The following KCNH7 variants were observed in gnomAD, a reference collection of about 807,000 sequenced individuals.
KCNH7 encodes the protein voltage-gated inwardly rectifying potassium channel KCNH7.
In KCNH7, 49 loss-of-function variants were observed where a neutral mutation model predicts 120.8. That is an observed-to-expected ratio of 0.41 (90% CI 0.32 to 0.51). The LOEUF (loss-of-function observed/expected upper bound fraction) is 0.51. KCNH7 is among the 20% of genes least tolerant of loss of function. The pLI, the probability that KCNH7 is intolerant of heterozygous loss-of-function variation, is 0.38. For synonymous variants in KCNH7, 547 were observed against 516.1 expected (o/e 1.06, Z -0.81); for missense variants, 1,097 against 1,446.6 (o/e 0.76, Z 3.92).
At chr2:162,832,691 C>T (rs1396664372) in intron 2 of KCNH7, among the ~76,000 whole-genome samples, 2 of 152,092 alleles carry the variant, frequency 1.3e-5, no homozygotes, top group Non-Finnish European at 2.9e-5. Context: ...TCCTACTGTT[C>T]TTACAGTGCC....
intron 2 of KCNH7, among the ~76,000 whole-genome samples, chr2:162,754,396 A>G (rs1688716621): frequency 6.6e-6 from 1 of 152,198 alleles, no homozygotes; most frequent in East Asian, 1.9e-4. Context: ...AAAATTGTAA[A>G]AAGAAAATTA....
chr2:162,681,205 G>A (rs1223341037), intron 2 of KCNH7, among the ~76,000 whole-genome samples: 2 of 151,668 alleles, frequency 1.3e-5, no homozygotes, highest in Non-Finnish European at 3.0e-5. Context: ...TCCAGTAATG[G>A]ACTGTAGAGA....
chr2:162,710,493 G>C lies in KCNH7; in HGVS notation c.307+126044C>G, dbSNP rs144665681. ...TTGCACAATGAGTCATCAGAAACCT[G>C]TGTTTACACACACACTCAGAAAGTG... On this transcript the variant is annotated intron_variant, in intron 2 of 15. Coordinates refer to ENST00000332142, the MANE Select transcript of KCNH7 (RefSeq NM_033272.4). Among the ~76,000 whole-genome samples the C allele has an allele frequency of 2.6e-5, 4 of 152,272 alleles. No individual in the cohort carries two copies. The East Asian group carries it at 7.7e-4, about 29-fold the overall frequency.
At chr2:162,480,209 A>AT (rs1362761735) in intron 6 of KCNH7, among the ~76,000 whole-genome samples, 2 of 151,970 alleles carry the variant, frequency 1.3e-5, no homozygotes, top group Non-Finnish European at 1.5e-5. Context: ...CGGTGTATGC[A>AT]TTTTTTTGTG....
intron 2 of KCNH7, among the ~76,000 whole-genome samples, chr2:162,818,581 C>G (rs1398411678): frequency 6.6e-6 from 1 of 152,062 alleles, no homozygotes; most frequent in Admixed American, 6.6e-5. Flanking sequence ...CATTTTTATA[C>G]AAATTTTTGA....
chr2:162,463,084 A>T (rs965521958), intron 6 of KCNH7, among the ~76,000 whole-genome samples: 2 of 151,810 alleles, frequency 1.3e-5, no homozygotes, highest in Non-Finnish European at 2.9e-5. Flanking sequence ...AGTCTGTAAA[A>T]CCCGACTCTA....
At chr2:162,800,573 A>G (rs1435004) in intron 2 of KCNH7, among the ~76,000 whole-genome samples, 97,824 of 151,642 alleles carry the variant, frequency 0.65, 34,041 homozygotes, top group South Asian at 0.84. Flanking sequence ...GCCCACTCTC[A>G]TGGTAAAGAA....
rs528758906 is a variant in KCNH7 at position 162,820,894 on chromosome 2, T to C, written c.307+15643A>G. ...CATGAGAACTAATGAATTTACTTTA[T>C]ATTACAAATCTGAATTAATTCATTA... On this transcript the variant is annotated intron_variant, in intron 2 of 15. Coordinates refer to ENST00000332142, the MANE Select transcript of KCNH7 (RefSeq NM_033272.4). Among the ~76,000 whole-genome samples, 13 of 149,872 alleles carry C rather than the reference T, an allele frequency of 8.7e-5. No individual in the cohort carries two copies. In the East Asian group the frequency reaches 2.4e-3, roughly 28 times the overall value.
chr2:162,812,866 A>G (rs1227303562), intron 2 of KCNH7, among the ~76,000 whole-genome samples: 1 of 152,126 alleles, frequency 6.6e-6, no homozygotes, highest in Non-Finnish European at 1.5e-5. Flanking sequence ...GTATTTCAGG[A>G]AGGACTAGAT....
chr2:162,760,940 T>C (rs1688947045), intron 2 of KCNH7, among the ~76,000 whole-genome samples: 1 of 152,150 alleles, frequency 6.6e-6, no homozygotes, highest in Non-Finnish European at 1.5e-5. Context: ...ACGTGTAGAA[T>C]AGCAACTAAT....
chr2:162,581,601 A>AT (rs5835914), intron 2 of KCNH7, among the ~76,000 whole-genome samples: 96,033 of 151,594 alleles, frequency 0.63, 31,913 homozygotes, highest in African/African-American at 0.83. Context: ...TTCTTTTAAG[A>AT]TTTTTTTTAA....
chr2:162,558,207 T>C (rs1559013682), intron 2 of KCNH7, among the ~76,000 whole-genome samples: 1 of 151,930 alleles, frequency 6.6e-6, no homozygotes, highest in Non-Finnish European at 1.5e-5. Context: ...AGACGGAGTC[T>C]CGCTCTGGCC....
chr2:162,761,837 T>G (rs1688977740), intron 2 of KCNH7, among the ~76,000 whole-genome samples: 2 of 152,240 alleles, frequency 1.3e-5, no homozygotes, highest in South Asian at 2.1e-4. Flanking sequence ...TAGATCCAGC[T>G]GCTTCTCAGC....
At position 162,777,395 on chromosome 2, in the gene KCNH7, G is replaced by A. The variant is rs571469502; in HGVS notation, c.307+59142C>T. ...GGAATGATGACAAGAGCAAAAGTCTGTACATGTTTAGTACAGACACATTCT... is the reference window on the plus strand; with the variant it reads ...GGAATGATGACAAGAGCAAAAGTCTATACATGTTTAGTACAGACACATTCT... On this transcript the variant is annotated intron_variant, in intron 2 of 15. Transcript: ENST00000332142. 6.1e-4 allele frequency among the ~76,000 whole-genome samples: 93 copies of A among 151,934 alleles called. 1 individual carries two copies. Among genetic ancestry groups the A allele is most frequent in the Admixed American group, 1.4e-3 (21 of 15,244 alleles).
chr2:162,581,407 A>G (rs1161845442), intron 2 of KCNH7, among the ~76,000 whole-genome samples: 1 of 152,090 alleles, frequency 6.6e-6, no homozygotes, highest in East Asian at 1.9e-4. Flanking sequence ...AAACAATACA[A>G]CAATCACTAC....
At chr2:162,469,968 C>T (rs1001615086) in intron 6 of KCNH7, among the ~76,000 whole-genome samples, 13 of 152,234 alleles carry the variant, frequency 8.5e-5, no homozygotes, top group South Asian at 2.1e-4. Context: ...CTCGGCCTCC[C>T]GAGGTGCCGG....
intron 12 of KCNH7, among the ~76,000 whole-genome samples, chr2:162,387,690 C>T (rs1686615466): frequency 1.3e-5 from 2 of 151,622 alleles, no homozygotes; most frequent in African/African-American, 4.8e-5. Flanking sequence ...CGTCTCCTCC[C>T]GCTTTTTTAC....
chr2:162,479,993 A>G (rs1409172627), intron 6 of KCNH7, among the ~76,000 whole-genome samples: 1 of 152,158 alleles, frequency 6.6e-6, no homozygotes, highest in Non-Finnish European at 1.5e-5. Context: ...TATTCCATGA[A>G]GCATGATTTT....
At chr2:162,781,869 T>A (rs1410751001) in intron 2 of KCNH7, among the ~76,000 whole-genome samples, 3 of 152,148 alleles carry the variant, frequency 2.0e-5, no homozygotes, top group Non-Finnish European at 4.4e-5. Context: ...ACTATTTCAA[T>A]ACCCTGCACA....
Sources: gnomAD v4.1 joint callset for allele counts (sites outside exome capture counted in the v4.1 genomes callset) on GRCh38, gnomAD v4.1.1 for gene constraint, MANE v1.5 for transcripts, NCBI Gene and HGNC (gene_info 2026-07-23, HGNC 2026-07-21) for gene names.